The following ELAPOR2 variants were observed in gnomAD, a reference collection of about 807,000 sequenced individuals.
ELAPOR2 encodes the protein endosome/lysosome-associated apoptosis and autophagy regulator family member 2.
ELAPOR2 carries 89 observed loss-of-function variants against 120.7 expected under a neutral mutation model. The ratio of observed to expected loss-of-function variants is 0.74; its 90% confidence interval spans 0.62 to 0.88. The LOEUF (loss-of-function observed/expected upper bound fraction) is 0.88, where lower values mean the gene tolerates loss of function less well. Among genes scored for constraint, ELAPOR2 ranks in the 40% least tolerant of loss-of-function variants. The probability of loss-of-function intolerance (pLI) is 0.00; values close to 1 mark genes in which losing one functional copy is unlikely to be tolerated. For synonymous variants in ELAPOR2, 444 were observed against 444.9 expected (o/e 1.00, Z 0.03); for missense variants, 1,134 against 1,251.6 (o/e 0.91, Z 1.42).
chr7:87,057,024 C>G (rs1394810466), intron 1 of ELAPOR2, among the ~76,000 whole-genome samples: 1 of 152,184 alleles, frequency 6.6e-6, no homozygotes, highest in Non-Finnish European at 1.5e-5. Flanking sequence ...CACTCTGTTC[C>G]CCACTGCATA....
chr7:86,942,127 CT>C, intron 4 of ELAPOR2, 23 bp from the exon 5 acceptor site: 1 of 1,393,586 alleles, frequency 7.2e-7, no homozygotes. Context: ...CACAAGAGCC[CT>C]AGTAAAGTGT....
intron 1 of ELAPOR2, among the ~76,000 whole-genome samples, chr7:86,990,476 A>G (rs1468607276): frequency 6.6e-6 from 1 of 152,214 alleles, no homozygotes; most frequent in African/African-American, 2.4e-5. Flanking sequence ...GGTCCTCACC[A>G]GATGCCACCC....
At chr7:86,990,238 C>T (rs147591845) in intron 1 of ELAPOR2, among the ~76,000 whole-genome samples, 113 of 152,034 alleles carry the variant, frequency 7.4e-4, no homozygotes, top group Admixed American at 1.8e-3. Context: ...TTAGTAGAGA[C>T]GGGGTTTCAC....
chr7:87,059,643 G>T lies in ELAPOR2; in HGVS notation c.-130C>A, dbSNP rs1197121019. On this transcript the variant is annotated 5_prime_UTR_variant, in exon 1 of 22. Transcript: ENST00000450689. ...TCCGTCACCCGCTGCCCGTCCGCCC[G>T]CTGACAGCTCTGCTGCGCTCGCGGC... 3 of 1,005,616 alleles carry T rather than the reference G, an allele frequency of 3.0e-6. No individual in the cohort carries two copies. Among genetic ancestry groups the T allele is most frequent in the Non-Finnish European group, 3.6e-6 (3 of 824,434 alleles). 62.3% of individuals were successfully genotyped at this position (1,005,616 alleles called of 1,614,324 possible).
At chr7:86,904,478 T>A (rs1385544881) in intron 18 of ELAPOR2, among the ~76,000 whole-genome samples, 2 of 152,184 alleles carry the variant, frequency 1.3e-5, no homozygotes, top group Middle Eastern at 3.2e-3. Context: ...AGGTGCAAAC[T>A]ACACTAGAAA....
intron 1 of ELAPOR2, among the ~76,000 whole-genome samples, chr7:86,989,023 T>C (rs1792851681): frequency 6.6e-6 from 1 of 152,356 alleles, no homozygotes; most frequent in African/African-American, 2.4e-5. Context: ...CTTAGAGTAT[T>C]ATAAAACCAT....
At chr7:86,898,732 A>G (rs1002270801) in intron 18 of ELAPOR2, among the ~76,000 whole-genome samples, 1 of 152,156 alleles carries the variant, frequency 6.6e-6, no homozygotes, top group Non-Finnish European at 1.5e-5. Context: ...CATGTGGGTC[A>G]TTATTGCTGG....
At chr7:86,935,640 C>A (rs1391008346) in intron 8 of ELAPOR2, among the ~76,000 whole-genome samples, 3 of 151,952 alleles carry the variant, frequency 2.0e-5, no homozygotes, top group Non-Finnish European at 4.4e-5. Context: ...TCCAGACCTA[C>A]TAGATTAGAA....
intron 10 of ELAPOR2, chr7:86,919,619 G>T: frequency 5.2e-6 from 1 of 192,276 alleles, no homozygotes; most frequent in Non-Finnish European, 1.1e-5. Context: ...ATATTGAGAT[G>T]AACAATCCTA....
At chr7:86,926,671 G>T (rs1290044709) in intron 9 of ELAPOR2, 65 bp downstream of exon 9, 2 of 1,402,130 alleles carry the variant, frequency 1.4e-6, no homozygotes, top group Non-Finnish European at 1.9e-6. Flanking sequence ...TTTAGAAAAT[G>T]GTCACAGTAG....
intron 1 of ELAPOR2, among the ~76,000 whole-genome samples, chr7:87,026,940 CT>C (rs1794262770): frequency 6.6e-6 from 1 of 152,066 alleles, no homozygotes; most frequent in Admixed American, 6.6e-5. Flanking sequence ...AAAACATTTA[CT>C]TGGATCGTAC....
intron 3 of ELAPOR2, among the ~76,000 whole-genome samples, chr7:86,946,733 AT>A (rs1200727210): frequency 6.6e-6 from 1 of 152,188 alleles, no homozygotes; most frequent in Non-Finnish European, 1.5e-5. Flanking sequence ...AAAACACTAC[AT>A]TGAAAAACTT....
intron 1 of ELAPOR2, among the ~76,000 whole-genome samples, chr7:86,971,422 C>T (rs1015591021): frequency 2.0e-5 from 3 of 152,166 alleles, no homozygotes; most frequent in Admixed American, 6.5e-5. Flanking sequence ...TGCAGCTAGA[C>T]ATTCTACAAT....
chr7:87,046,525 G>C lies in ELAPOR2; in HGVS notation c.189+12800C>G, dbSNP rs112623700. On this transcript the variant is annotated intron_variant, in intron 1 of 21. Coordinates refer to ENST00000450689, the MANE Select transcript of ELAPOR2 (RefSeq NM_001142749.3). ...ACAGTTTGGCTCTGTGTCCCCACTC[G>C]AATCTCATTTCAAATTATAATCCCC... 8.0e-3 allele frequency among the ~76,000 whole-genome samples: 1,219 copies of C among 152,228 alleles called. 17 individuals are homozygous for C. The highest frequency in any genetic ancestry group is 0.028 in the African/African-American group (1,172 of 41,538).
At chr7:87,024,161 T>C (rs1028907646) in intron 1 of ELAPOR2, among the ~76,000 whole-genome samples, 1 of 152,158 alleles carries the variant, frequency 6.6e-6, no homozygotes, top group Non-Finnish European at 1.5e-5. Context: ...AGGGAATGCT[T>C]CCAGTTTTTG....
chr7:86,884,415 A>C (rs559887399), intron 21 of ELAPOR2, among the ~76,000 whole-genome samples: 2 of 152,182 alleles, frequency 1.3e-5, no homozygotes, highest in Non-Finnish European at 2.9e-5. Context: ...CACAAGTTTG[A>C]ACTGCACAGG....
intron 2 of ELAPOR2, among the ~76,000 whole-genome samples, chr7:86,951,604 T>C (rs1562940185): frequency 6.6e-6 from 1 of 152,228 alleles, no homozygotes; most frequent in Non-Finnish European, 1.5e-5. Context: ...TGCTTGATAC[T>C]TTACAAACAC....
intron 1 of ELAPOR2, among the ~76,000 whole-genome samples, chr7:87,056,800 T>C (rs1795277801): frequency 6.6e-6 from 1 of 152,222 alleles, no homozygotes; most frequent in Non-Finnish European, 1.5e-5. Flanking sequence ...CTTTAGTTGC[T>C]TTCCTCTAAA....
chr7:86,956,110 G>A (rs1368272706), intron 2 of ELAPOR2, among the ~76,000 whole-genome samples: 1 of 152,176 alleles, frequency 6.6e-6, no homozygotes, highest in Non-Finnish European at 1.5e-5. Context: ...AAGCTGCTAT[G>A]TCAGCTCTGA....
Sources: gnomAD v4.1 joint callset for allele counts (sites outside exome capture counted in the v4.1 genomes callset) on GRCh38, gnomAD v4.1.1 for gene constraint, MANE v1.5 for transcripts, NCBI Gene and HGNC (gene_info 2026-07-23, HGNC 2026-07-21) for gene names.